FXN: variants seen among roughly 807,000 people sequenced by gnomAD.
The protein encoded by FXN is frataxin, mitochondrial.
In FXN, 14 loss-of-function variants were observed where a neutral mutation model predicts 22.4. The ratio of observed to expected loss-of-function variants is 0.62; its 90% CI spans 0.41 to 0.98. The LOEUF (loss-of-function observed/expected upper bound fraction) is 0.98, where lower values mean the gene tolerates loss of function less well. Among genes scored for constraint, FXN ranks in the 50% least tolerant of loss-of-function variants. The pLI, the probability that FXN is intolerant of heterozygous loss-of-function variation, is 0.00. For synonymous variants in FXN, 120 were observed against 114.1 expected (o/e 1.05, Z -0.33); for missense variants, 267 against 268.4 (o/e 0.99, Z 0.04).
chr9:69,056,234 T>A (rs1395980477), intron 3 of FXN, among the ~76,000 whole-genome samples: 3 of 152,136 alleles, frequency 2.0e-5, no homozygotes, highest in Non-Finnish European at 2.9e-5. Context: ...CCACTACCTG[T>A]AGGCAGGAAG....
intron 1 of FXN, among the ~76,000 whole-genome samples, chr9:69,036,744 T>C (rs1463917478): frequency 2.0e-5 from 3 of 151,908 alleles, no homozygotes; most frequent in African/African-American, 4.8e-5. Context: ...CTTTGGGGGG[T>C]ACAAAGAAAT....
intron 4 of FXN, among the ~76,000 whole-genome samples, chr9:69,070,057 C>T (rs572597060): frequency 2.0e-5 from 3 of 152,044 alleles, no homozygotes; most frequent in South Asian, 2.1e-4. Flanking sequence ...GGTGAAACCC[C>T]GTCTCTACCA....
intron 1 of FXN, among the ~76,000 whole-genome samples, chr9:69,037,243 G>A (rs1373979808): frequency 2.8e-5 from 3 of 108,278 alleles, no homozygotes; most frequent in Admixed American, 9.5e-5. Context: ...GGCCAACATG[G>A]TGAAACCCAG....
intron 1 of FXN, among the ~76,000 whole-genome samples, chr9:69,038,881 G>GCTC (rs1831607830): frequency 6.6e-6 from 1 of 152,140 alleles, no homozygotes. Context: ...CTAAGTAAAT[G>GCTC]CTCTATCTGT....
chr9:69,067,377 C>T (rs1306570052), intron 4 of FXN, among the ~76,000 whole-genome samples: 2 of 152,254 alleles, frequency 1.3e-5, no homozygotes, highest in Non-Finnish European at 2.9e-5. Flanking sequence ...CGGGAAGATC[C>T]CGCAGTTTCG....
Position 69,077,335 on chromosome 9 carries a change from G to A in FXN, c.*4573G>A, listed in dbSNP as rs1587835054. 7.1e-6 allele frequency: 7 copies of A among 985,430 alleles called. No homozygotes were observed. Among genetic ancestry groups the A allele is most frequent in the Non-Finnish European group, 8.4e-6 (7 of 829,948 alleles). 61.0% of individuals were successfully genotyped at this position (985,430 alleles called of 1,614,324 possible). On this transcript the variant is annotated 3_prime_UTR_variant, in exon 5 of 5. Transcript: ENST00000484259. ...TCAGCTCACTTATATCCCTGCATCCGCTACAGAGACAGAATCCAAGCTCAT... is the reference window on the plus strand; with the variant it reads ...TCAGCTCACTTATATCCCTGCATCCACTACAGAGACAGAATCCAAGCTCAT...
Position 69,041,012 on chromosome 9 carries a change from C to T in FXN, c.165+5065C>T, listed in dbSNP as rs1480056428. Among the ~76,000 whole-genome samples the T allele has an allele frequency of 2.0e-5, 3 of 152,302 alleles. No individual in the cohort carries two copies. In the East Asian group the frequency reaches 5.8e-4, roughly 29 times the overall value. On this transcript the variant is annotated intron_variant, in intron 1 of 4. Transcript: ENST00000484259. Reference sequence around the variant, plus strand: ...CACATTTCTATTGTTTATAAGCCACCCAGTGGCTGGTATTTTGTTATAACA... The same window carrying T: ...CACATTTCTATTGTTTATAAGCCACTCAGTGGCTGGTATTTTGTTATAACA...
chr9:69,054,056 G>A (rs1831910255), intron 3 of FXN, among the ~76,000 whole-genome samples: 1 of 152,142 alleles, frequency 6.6e-6, no homozygotes, highest in East Asian at 1.9e-4. Flanking sequence ...CCAGGCTGGA[G>A]TGCAGTGGCG....
Position 69,051,176 on chromosome 9 carries a change from C to T in FXN, c.264-1964C>T, listed in dbSNP as rs563401496. Among the ~76,000 whole-genome samples, 3 of 152,370 alleles carry T rather than the reference C, an allele frequency of 2.0e-5. No homozygotes were observed. In the South Asian group the frequency reaches 6.2e-4, roughly 32 times the overall value. ...GCAATGGCACGATCACAGCTCACTG[C>T]AGCCTTGACCTCCCTGGCTCGGGTG... On this transcript the variant is annotated intron_variant, in intron 2 of 4. Transcript: ENST00000484259.
Position 69,077,928 on chromosome 9 carries a change from T to TA in FXN, c.*5173dup. The stretch of plus-strand genomic sequence containing the variant: ...CTGGGTGACAAGAGGGAAACTCCAT[T>TA]AAAAAAATGTAATTCCCGTGTCTGC... On this transcript the variant is annotated 3_prime_UTR_variant, in exon 5 of 5. Coordinates refer to ENST00000484259, the MANE Select transcript of FXN (RefSeq NM_000144.5). 5.1e-6 allele frequency: 5 copies of TA among 980,034 alleles called. No homozygotes were observed. The highest frequency in any genetic ancestry group is 6.1e-6 in the Non-Finnish European group (5 of 825,152). The allele number at this position is 980,034 out of a possible 1,614,324, so 60.7% of individuals were successfully genotyped here. A position where few individuals can be genotyped will look rare whatever the true frequency, so the allele number is the denominator to read the frequency against.
intron 3 of FXN, among the ~76,000 whole-genome samples, chr9:69,058,578 A>G (rs942355008): frequency 5.9e-5 from 9 of 151,510 alleles, no homozygotes; most frequent in African/African-American, 2.2e-4. Flanking sequence ...CTCTCCCAAT[A>G]AAAACTTCCA....
At chr9:69,059,343 CT>C (rs1206893845) in intron 3 of FXN, among the ~76,000 whole-genome samples, 15 of 150,058 alleles carry the variant, frequency 1.0e-4, no homozygotes, top group African/African-American at 3.7e-4. Context: ...CTGCAGCCCC[CT>C]GAGACCACTT....
intron 3 of FXN, among the ~76,000 whole-genome samples, chr9:69,054,600 G>C (rs891924793): frequency 1.3e-5 from 2 of 151,892 alleles, no homozygotes; most frequent in East Asian, 1.9e-4. Context: ...TCTGCCTCTC[G>C]GGTTCAAGCA....
Position 69,075,396 on chromosome 9 carries a change from G to T in FXN, c.*2634G>T. The T allele has an allele frequency of 1.3e-6, 1 of 763,304 alleles. No homozygotes were observed. The highest frequency in any genetic ancestry group is 1.6e-6 in the Non-Finnish European group (1 of 628,122). The allele number at this position is 763,304 out of a possible 1,614,324, so 47.3% of individuals were successfully genotyped here. On this transcript the variant is annotated 3_prime_UTR_variant, in exon 5 of 5. Coordinates refer to ENST00000484259, the MANE Select transcript of FXN (RefSeq NM_000144.5). ...AATCGCTGTAACCTGGGGGGTGGAGGTTGCAGTGAGACGAGATCATGCCAC... is the reference window on the plus strand; with the variant it reads ...AATCGCTGTAACCTGGGGGGTGGAGTTTGCAGTGAGACGAGATCATGCCAC...
At chr9:69,058,127 G>C (rs1831995535) in intron 3 of FXN, among the ~76,000 whole-genome samples, 1 of 152,156 alleles carries the variant, frequency 6.6e-6, no homozygotes, top group Admixed American at 6.5e-5. Flanking sequence ...GAGGACATCT[G>C]TTCTTTTTTC....
Position 69,046,510 on chromosome 9 carries a change from G to T in FXN, c.263+28G>T, listed in dbSNP as rs112826541. 3.8e-4 allele frequency: 561 copies of T among 1,493,058 alleles called. 2 individuals carry two copies. The highest frequency in any genetic ancestry group is 1.8e-3 in the Admixed American group (109 of 59,036). 92.5% of individuals were successfully genotyped at this position (1,493,058 alleles called of 1,614,324 possible). Reference sequence around the variant, plus strand: ...AAGATAAAACACCTTCCACGTCATAGGTATCTTCCTCTCTCCTTCCCTGCC... The same window carrying T: ...AAGATAAAACACCTTCCACGTCATATGTATCTTCCTCTCTCCTTCCCTGCC... On this transcript the variant is annotated intron_variant, in intron 2 of 4. Transcript: ENST00000484259.
Position 69,064,878 on chromosome 9 carries a change from A to G in FXN, c.385-60A>G, listed in dbSNP as rs188003440. 48 of 997,414 alleles carry G rather than the reference A, an allele frequency of 4.8e-5. No individual in the cohort carries two copies. In the East Asian group the frequency reaches 1.1e-3, roughly 22 times the overall value. The allele number at this position is 997,414 out of a possible 1,614,324, so 61.8% of individuals were successfully genotyped here. On this transcript the variant is annotated intron_variant, in intron 3 of 4. Transcript: ENST00000484259. ...AGATAAAACATGAAGCAATGATGAC[A>G]AAGTGCTAACTTTTTCTTGTTTTAA...
At chr9:69,049,884 T>C (rs1831820833) in intron 2 of FXN, among the ~76,000 whole-genome samples, 1 of 152,190 alleles carries the variant, frequency 6.6e-6, no homozygotes, top group Non-Finnish European at 1.5e-5. Context: ...TGAAAAATAG[T>C]ATCTATAAGG....
intron 4 of FXN, among the ~76,000 whole-genome samples, chr9:69,067,000 C>T (rs2133129735): frequency 6.6e-6 from 1 of 152,352 alleles, no homozygotes; most frequent in Middle Eastern, 3.4e-3. Flanking sequence ...CCTTCCTGCG[C>T]CGTTTCCGGC....
Sources: allele counts gnomAD v4.1 joint callset (sites outside exome capture counted in the v4.1 genomes callset), GRCh38; gene constraint gnomAD v4.1.1; transcripts MANE v1.5; gene names NCBI Gene and HGNC (gene_info 2026-07-23, HGNC 2026-07-21).